The following CNTN5 variants were observed in gnomAD, a reference collection of about 807,000 sequenced individuals.
The protein encoded by CNTN5 is contactin 5, also known as contactin-5.
CNTN5 carries 77 observed loss-of-function variants against 129.1 expected under a neutral mutation model. The observed-to-expected ratio is 0.60, with a 90% CI of 0.50 to 0.72. The LOEUF (loss-of-function observed/expected upper bound fraction) is 0.72. CNTN5 is among the 30% of genes least tolerant of loss of function. The pLI is 0.00. For missense variants in CNTN5, 1,478 were observed against 1,328.8 expected (o/e 1.11, Z -1.75); for synonymous variants, 509 against 465.6 (o/e 1.09, Z -1.20).
chr11:100,065,133 C>G lies in CNTN5; in HGVS notation c.1162+3740C>G, dbSNP rs541043024. Among the ~76,000 whole-genome samples, 511 of 152,142 alleles carry G rather than the reference C, an allele frequency of 3.4e-3. 3 individuals are homozygous for G. Among genetic ancestry groups the G allele is most frequent in the Middle Eastern group, 6.8e-3 (2 of 294 alleles). On this transcript the variant is annotated intron_variant, in intron 10 of 24. Transcript: ENST00000524871. ...ACGCTTAAAAGTTAGTTGTACTGTA[C>G]TAAATATCCAGTAAAGGAATACAGT... is the stretch of plus-strand genomic sequence containing the variant.
chr11:100,347,861 T>A (rs1023909856), intron 23 of CNTN5, among the ~76,000 whole-genome samples: 1 of 152,048 alleles, frequency 6.6e-6, no homozygotes, highest in East Asian at 1.9e-4. Context: ...ATATGAGCCA[T>A]CCCTCTCAGG....
chr11:99,374,276 AAAAAT>A lies in CNTN5; in HGVS notation c.-71+48801_-71+48805del, dbSNP rs550115712. On this transcript the variant is annotated intron_variant, in intron 2 of 24. Coordinates refer to ENST00000524871, the MANE Select transcript of CNTN5 (RefSeq NM_014361.4). ...TTCTCTGCAAGATAATATTAAATTT[AAAAAT>A]AAAATAAAGTAAATCATTTTGACTA... Among the ~76,000 whole-genome samples the A allele has an allele frequency of 7.9e-5, 12 of 152,364 alleles. No individual in the cohort carries two copies. The South Asian group carries it at 1.7e-3, about 21-fold the overall frequency.
At chr11:99,977,371 T>G (rs1160930350) in intron 8 of CNTN5, among the ~76,000 whole-genome samples, 1 of 152,234 alleles carries the variant, frequency 6.6e-6, no homozygotes, top group African/African-American at 2.4e-5. Flanking sequence ...CCAAAGTCAC[T>G]TCCACGTTTT....
At chr11:99,983,146 T>G (rs1358650024) in intron 8 of CNTN5, among the ~76,000 whole-genome samples, 1 of 152,138 alleles carries the variant, frequency 6.6e-6, no homozygotes, top group African/African-American at 2.4e-5. Context: ...TGTACTAAGA[T>G]AATGATTTGA....
chr11:100,139,042 C>T (rs544607115), intron 13 of CNTN5, among the ~76,000 whole-genome samples: 6 of 151,936 alleles, frequency 3.9e-5, no homozygotes, highest in Non-Finnish European at 8.8e-5. Context: ...ATTGAAACAA[C>T]TAAAAGAATA....
At chr11:100,267,278 C>G (rs1042331752) in intron 17 of CNTN5, among the ~76,000 whole-genome samples, 49 of 136,492 alleles carry the variant, frequency 3.6e-4, no homozygotes, top group African/African-American at 1.2e-3. Flanking sequence ...CACACACACA[C>G]ACAGAGAGAG....
At chr11:100,210,704 C>G (rs975636213) in intron 15 of CNTN5, among the ~76,000 whole-genome samples, 8 of 152,192 alleles carry the variant, frequency 5.3e-5, no homozygotes, top group African/African-American at 9.6e-5. Context: ...AAATTTGTTT[C>G]CCATGAGGTA....
intron 4 of CNTN5, among the ~76,000 whole-genome samples, chr11:99,829,369 C>T (rs1276933293): frequency 6.6e-6 from 1 of 152,130 alleles, no homozygotes; most frequent in South Asian, 2.1e-4. Context: ...GAATTCACAT[C>T]ACATGTTATA....
At chr11:99,106,274 G>C (rs1237147251) in intron 1 of CNTN5, among the ~76,000 whole-genome samples, 1 of 151,902 alleles carries the variant, frequency 6.6e-6, no homozygotes, top group Admixed American at 6.6e-5. Flanking sequence ...ATAATAATAG[G>C]TATAGAGAAA....
chr11:99,516,433 G>C (rs916364031), intron 2 of CNTN5, among the ~76,000 whole-genome samples: 2 of 152,060 alleles, frequency 1.3e-5, no homozygotes, highest in Non-Finnish European at 2.9e-5. Context: ...GTGGAAACTA[G>C]TATGTTCTCT....
At chr11:99,229,350 C>T (rs2067895) in intron 1 of CNTN5, among the ~76,000 whole-genome samples, 14,729 of 152,028 alleles carry the variant, frequency 0.097, 1,554 homozygotes, top group East Asian at 0.46. Context: ...GTCTTTAAGT[C>T]ACTTTTCTAA....
chr11:99,772,320 G>A (rs1417059080), intron 3 of CNTN5, among the ~76,000 whole-genome samples: 2 of 151,976 alleles, frequency 1.3e-5, no homozygotes. Context: ...GTTAAGTCCG[G>A]AATGTATGTA....
At chr11:99,133,282 A>T (rs544907405) in intron 1 of CNTN5, among the ~76,000 whole-genome samples, 1 of 152,288 alleles carries the variant, frequency 6.6e-6, no homozygotes, top group South Asian at 2.1e-4. Context: ...CTTAAATGTA[A>T]AACCAAAGCC....
chr11:99,881,261 A>G (rs751116384), intron 6 of CNTN5, among the ~76,000 whole-genome samples: 11 of 152,220 alleles, frequency 7.2e-5, no homozygotes, highest in African/African-American at 2.2e-4. Flanking sequence ...ACCACAGTAC[A>G]TGGTTTCACA....
intron 1 of CNTN5, among the ~76,000 whole-genome samples, chr11:99,088,045 T>G (rs1866072205): frequency 6.6e-6 from 1 of 152,312 alleles, no homozygotes; most frequent in South Asian, 2.1e-4. Flanking sequence ...CTAATGTAAA[T>G]AGCCTTTTTG....
At chr11:99,955,147 T>C (rs1950768092) in intron 7 of CNTN5, among the ~76,000 whole-genome samples, 1 of 150,918 alleles carries the variant, frequency 6.6e-6, no homozygotes, top group African/African-American at 2.4e-5. Context: ...AAAAATTTGA[T>C]TTTAGTAAAT....
At chr11:99,590,155 G>A (rs1307085392) in intron 3 of CNTN5, among the ~76,000 whole-genome samples, 2 of 151,778 alleles carry the variant, frequency 1.3e-5, no homozygotes, top group Non-Finnish European at 2.9e-5. Context: ...AGTGGGAGGG[G>A]AAAGTGGAAA....
chr11:99,860,251 CTG>C (rs1240641735), intron 6 of CNTN5, among the ~76,000 whole-genome samples: 1 of 152,016 alleles, frequency 6.6e-6, no homozygotes, highest in Non-Finnish European at 1.5e-5. Context: ...TTCTCTGACT[CTG>C]TAGGTTTTCT....
At chr11:99,549,076 C>A (rs574648775) in intron 2 of CNTN5, among the ~76,000 whole-genome samples, 11 of 137,746 alleles carry the variant, frequency 8.0e-5, no homozygotes, top group Non-Finnish European at 1.6e-4. Context: ...TTTCCTCTTT[C>A]TCATGGTGTC....
Sources: gnomAD v4.1 joint callset for allele counts (sites outside exome capture counted in the v4.1 genomes callset) on GRCh38, gnomAD v4.1.1 for gene constraint, MANE v1.5 for transcripts, NCBI Gene and HGNC (gene_info 2026-07-23, HGNC 2026-07-21) for gene names.